HEMK2: variants seen among roughly 807,000 people sequenced by gnomAD.
HEMK2 encodes HemK methyltransferase 2, ETF1 glutamine and histone H4 lysine.
At chr21:28,652,574 A>T in the HEMK2 span, among the ~76,000 whole-genome samples, 1 of 152,124 alleles carries the variant, frequency 6.6e-6, no homozygotes, top group African/African-American at 2.4e-5. Context: ...CTTTAGAATT[A>T]AAAATGGCAA....
the HEMK2 span, among the ~76,000 whole-genome samples, chr21:28,669,325 C>T: frequency 8.9e-3 from 1,348 of 152,264 alleles, 23 homozygotes; most frequent in African/African-American, 0.031. Context: ...CACCACTGCA[C>T]TTCAGCCTGG....
the HEMK2 span, among the ~76,000 whole-genome samples, chr21:28,870,569 T>G: frequency 6.6e-6 from 1 of 152,102 alleles, no homozygotes; most frequent in African/African-American, 2.4e-5. Context: ...ACTCGCTAAT[T>G]TTTTTATTTT....
the HEMK2 span, among the ~76,000 whole-genome samples, chr21:28,813,163 T>C: frequency 6.6e-6 from 1 of 152,184 alleles, no homozygotes; most frequent in Non-Finnish European, 1.5e-5. Context: ...GGTCAAATTG[T>C]CTCTCTTTGC....
At chr21:28,820,899 C>T in the HEMK2 span, among the ~76,000 whole-genome samples, 69 of 152,306 alleles carry the variant, frequency 4.5e-4, no homozygotes, top group African/African-American at 1.7e-3. Flanking sequence ...GTGAAATACA[C>T]AAGTAAAGTG....
the HEMK2 span, among the ~76,000 whole-genome samples, chr21:28,737,223 T>A: frequency 6.6e-5 from 10 of 152,284 alleles, no homozygotes; most frequent in African/African-American, 2.2e-4. Context: ...TTCCAGAGTT[T>A]AAGCGATTCT....
the HEMK2 span, among the ~76,000 whole-genome samples, chr21:28,877,558 G>A: frequency 2.8e-4 from 37 of 133,630 alleles, no homozygotes; most frequent in Admixed American, 5.5e-4. Flanking sequence ...TAAAGAAAAA[G>A]AAAAGGAAAG....
At chr21:28,752,264 C>T in the HEMK2 span, among the ~76,000 whole-genome samples, 1 of 152,210 alleles carries the variant, frequency 6.6e-6, no homozygotes, top group Admixed American at 6.5e-5. Context: ...GGAGCATCAT[C>T]ATCTGGTTAT....
At chr21:28,802,593 T>C in the HEMK2 span, among the ~76,000 whole-genome samples, 11 of 152,046 alleles carry the variant, frequency 7.2e-5, no homozygotes, top group African/African-American at 2.2e-4. Context: ...TAGCTGGGCA[T>C]AGTGGCATGA....
chr21:28,826,024 A>C, the HEMK2 span, among the ~76,000 whole-genome samples: 1 of 152,224 alleles, frequency 6.6e-6, no homozygotes, highest in East Asian at 1.9e-4. Context: ...GAGAGGATAA[A>C]AGGGCACCCA....
chr21:28,653,455 C>T, the HEMK2 span, among the ~76,000 whole-genome samples: 1 of 152,110 alleles, frequency 6.6e-6, no homozygotes, highest in East Asian at 1.9e-4. Context: ...GATCCTTGTC[C>T]TAGCTATTCA....
the HEMK2 span, among the ~76,000 whole-genome samples, chr21:28,676,325 C>T: frequency 6.6e-6 from 1 of 152,006 alleles, no homozygotes. Flanking sequence ...CTAATCTCCT[C>T]ATTTTGTGAA....
the HEMK2 span, among the ~76,000 whole-genome samples, chr21:28,592,141 G>T: frequency 6.6e-6 from 1 of 152,108 alleles, no homozygotes. Context: ...TTTCCACAAA[G>T]GCTGAACTAA....
chr21:28,603,946 G>C, the HEMK2 span, among the ~76,000 whole-genome samples: 1 of 152,218 alleles, frequency 6.6e-6, no homozygotes, highest in Admixed American at 6.5e-5. Context: ...TGGCCTGCCT[G>C]AACTCTTGAA....
the HEMK2 span, among the ~76,000 whole-genome samples, chr21:28,810,970 G>A: frequency 4.6e-5 from 7 of 152,258 alleles, no homozygotes; most frequent in South Asian, 1.2e-3. Context: ...ATCATGTGGC[G>A]AGACTTTCAC....
the HEMK2 span, among the ~76,000 whole-genome samples, chr21:28,676,127 T>A: frequency 2.0e-4 from 30 of 152,212 alleles, no homozygotes; most frequent in Admixed American, 1.8e-3. Context: ...TGTATGGTTT[T>A]TAGGGCTGCC....
the HEMK2 span, among the ~76,000 whole-genome samples, chr21:28,708,824 C>A: frequency 6.6e-6 from 1 of 151,908 alleles, no homozygotes; most frequent in East Asian, 1.9e-4. Context: ...AACTAAAATG[C>A]TTAAAAGAAT....
chr21:28,763,713 T>C, the HEMK2 span, among the ~76,000 whole-genome samples: 1 of 152,124 alleles, frequency 6.6e-6, no homozygotes, highest in Non-Finnish European at 1.5e-5. Context: ...GGAAGCTATG[T>C]CATCATAAAA....
chr21:28,681,676 C>G, the HEMK2 span, among the ~76,000 whole-genome samples: 3 of 152,158 alleles, frequency 2.0e-5, no homozygotes, highest in Non-Finnish European at 4.4e-5. Context: ...GTAACCAAAA[C>G]AGCATGGTAC....
At chr21:28,753,942 A>G in the HEMK2 span, among the ~76,000 whole-genome samples, 1 of 152,226 alleles carries the variant, frequency 6.6e-6, no homozygotes, top group African/African-American at 2.4e-5. Flanking sequence ...ATGGCGTGCA[A>G]TAATAAAATA....
Sources: gnomAD v4.1 joint callset for allele counts (sites outside exome capture counted in the v4.1 genomes callset) on GRCh38, gnomAD v4.1.1 for gene constraint, MANE v1.5 for transcripts, NCBI Gene and HGNC (gene_info 2026-07-23, HGNC 2026-07-21) for gene names.